The following ZNF699 variants were observed in gnomAD, a reference collection of about 807,000 sequenced individuals.
ZNF699 encodes the protein zinc finger protein 699.
In ZNF699, 18 loss-of-function variants were observed where a neutral mutation model predicts 22.5. That is an observed-to-expected ratio of 0.80 (90% CI 0.55 to 1.19). The LOEUF (loss-of-function observed/expected upper bound fraction) is 1.19. ZNF699 is among the 50% of genes most tolerant of loss of function. The pLI, the probability that ZNF699 is intolerant of heterozygous loss-of-function variation, is 0.00. For synonymous variants in ZNF699, 241 were observed against 262.3 expected (o/e 0.92, Z 0.78); for missense variants, 670 against 763.4 (o/e 0.88, Z 1.44).
chr19:9,296,961 G>A, intron 5 of ZNF699, 28 bp from the exon 6 acceptor site: 2 of 1,489,560 alleles, frequency 1.3e-6, no homozygotes, highest in African/African-American at 1.4e-5. Context: ...CACATTATTA[G>A]TAATAAATTT....
At chr19:9,298,298 TAGC>T (rs1254114923) in intron 3 of ZNF699, among the ~76,000 whole-genome samples, 1 of 151,764 alleles carries the variant, frequency 6.6e-6, no homozygotes, top group African/African-American at 2.4e-5. Context: ...ATACAAAAAT[TAGC>T]AGGGTGTGGT....
chr19:9,292,075 C>T lies in ZNF699; in HGVS notation c.*3400G>A, dbSNP rs2066267375. 6.6e-6 allele frequency among the ~76,000 whole-genome samples: 1 copy of T among 152,164 alleles called. No homozygotes were observed. Among genetic ancestry groups the T allele is most frequent in the Admixed American group, 6.5e-5 (1 of 15,274 alleles). The stretch of plus-strand genomic sequence containing the variant: ...ACCTTTCTAAAATGCTATCTAGGAA[C>T]TACCTAACCCTGGCTGAGTTCCCAG... On this transcript the variant is annotated 3_prime_UTR_variant, in exon 6 of 6. Coordinates refer to ENST00000591998, the MANE Select transcript of ZNF699 (RefSeq NM_198535.3).
rs970348884 is a variant in ZNF699, at chr19:9,293,060, C to T, written c.*2415G>A. 6.7e-6 allele frequency among the ~76,000 whole-genome samples: 1 copy of T among 149,180 alleles called. No homozygotes were observed. The highest frequency in any genetic ancestry group is 2.5e-5 in the African/African-American group (1 of 40,208). ...CTGAGACAGGAGAATCACTTGAACC[C>T]AGGAAGCGGAGATTGCAGTGAGCAA... On this transcript the variant is annotated 3_prime_UTR_variant, in exon 6 of 6. Coordinates refer to ENST00000591998, the MANE Select transcript of ZNF699 (RefSeq NM_198535.3).
Position 9,291,484 on chromosome 19 carries a change from A to C in ZNF699, c.*3991T>G, listed in dbSNP as rs1344585572. 6.6e-6 allele frequency: 1 copy of C among 152,154 alleles called. No individual in the cohort carries two copies. Among genetic ancestry groups the C allele is most frequent in the South Asian group, 2.1e-4 (1 of 4,824 alleles). 9.4% of individuals were successfully genotyped at this position (152,154 alleles called of 1,614,324 possible). ...GCAGAGATCACCTCAGCAAAGAGGA[A>C]ACCATGGTCTCTTTGATAAATCTAT... On this transcript the variant is annotated 3_prime_UTR_variant, in exon 6 of 6. Coordinates refer to ENST00000591998, the MANE Select transcript of ZNF699 (RefSeq NM_198535.3).
rs1458308627 is a variant in ZNF699 at position 9,293,235 on chromosome 19, C to T, written c.*2240G>A. Reference sequence around the variant, plus strand: ...GCCAATAAGCACATCGAAAAGTACTCGAAATCATTACACATCAGGTAAATG... The same window carrying T: ...GCCAATAAGCACATCGAAAAGTACTTGAAATCATTACACATCAGGTAAATG... On this transcript the variant is annotated 3_prime_UTR_variant, in exon 6 of 6. Transcript: ENST00000591998. Among the ~76,000 whole-genome samples, 1 of 149,872 alleles carries T rather than the reference C, an allele frequency of 6.7e-6. No individual in the cohort carries two copies. The highest frequency in any genetic ancestry group is 2.5e-5 in the African/African-American group (1 of 40,810).
At chr19:9,305,047 T>C in intron 2 of ZNF699, 25 bp downstream of exon 2, 1 of 1,594,386 alleles carries the variant, frequency 6.3e-7, no homozygotes, top group Non-Finnish European at 8.6e-7. Flanking sequence ...AATATTCTTT[T>C]GGACAATTAT....
intron 3 of ZNF699, among the ~76,000 whole-genome samples, chr19:9,300,870 C>T (rs757205054): frequency 3.9e-5 from 6 of 152,170 alleles, no homozygotes; most frequent in Non-Finnish European, 8.8e-5. Context: ...ATGGTGGATA[C>T]ATGTCATTAT....
intron 2 of ZNF699, among the ~76,000 whole-genome samples, chr19:9,304,815 C>T (rs753027415): frequency 5.4e-5 from 8 of 149,438 alleles, no homozygotes; most frequent in South Asian, 2.2e-4. Flanking sequence ...CCCAGCCACT[C>T]GGGAGGCTGA....
In ZNF699 at chr19:9,297,896, C is replaced by CTTT; in HGVS notation, c.269_270insAAA (p.Met90delinsIleLys). On this transcript the variant is annotated protein_altering_variant, in exon 4 of 6. Transcript: ENST00000591998. This position sits in a 1 kb window ranked among gnomAD's most constrained non-coding sequence, Gnocchi z 4.3. Reference sequence around the variant, plus strand: ...GGTTCTTGCCTTCCCGGTGCTCTCCCATAAAGATGCCCTGGATAAGTTCTC... The same window carrying CTTT: ...GGTTCTTGCCTTCCCGGTGCTCTCCCTTTATAAAGATGCCCTGGATAAGTTCTC... The CTTT allele has an allele frequency of 6.2e-7, 1 of 1,613,516 alleles. No individual in the cohort carries two copies. Among genetic ancestry groups the CTTT allele is most frequent in the Non-Finnish European group, 8.5e-7 (1 of 1,179,698 alleles).
chr19:9,297,260 CT>C lies in ZNF699; in HGVS notation c.470+35del. The C allele has an allele frequency of 1.3e-6, 2 of 1,545,618 alleles. No individual in the cohort carries two copies. The highest frequency in any genetic ancestry group is 1.7e-6 in the Non-Finnish European group (2 of 1,153,778). On this transcript the variant is annotated intron_variant, in intron 5 of 5. Transcript: ENST00000591998. This position sits in a 1 kb window ranked among gnomAD's most constrained non-coding sequence, Gnocchi z 4.3. ...ATGACTTTAATTTTAAGATTCTCTC[CT>C]GAGGCACTTTCTCTTTCTCACGAAT...
At chr19:9,304,669 T>C (rs1052384227) in intron 2 of ZNF699, among the ~76,000 whole-genome samples, 19 of 152,192 alleles carry the variant, frequency 1.2e-4, no homozygotes, top group African/African-American at 4.3e-4. Context: ...CTCATGCCTG[T>C]AATCCCAGCA....
intron 3 of ZNF699, 117 bp downstream of exon 3, chr19:9,302,261 A>G: frequency 1.6e-6 from 2 of 1,220,254 alleles, no homozygotes; most frequent in Non-Finnish European, 2.4e-6. Context: ...CAGTGACCAT[A>G]TCTGTCTTAC....
rs1290094069 is a variant in ZNF699 at position 9,305,352 on chromosome 19, G to A, written c.-5-228C>T. 5.9e-5 allele frequency among the ~76,000 whole-genome samples: 9 copies of A among 151,976 alleles called. No individual in the cohort carries two copies. In the East Asian group the frequency reaches 7.7e-4, roughly 13 times the overall value. ...TTGTGGGAAAGTGGAACAACCTTAC[G>A]TCCCCCTAGAGATACAAAACAGTGC... is the stretch of plus-strand genomic sequence containing the variant. On this transcript the variant is annotated intron_variant, in intron 1 of 5. Transcript: ENST00000591998.
chr19:9,303,439 A>C (rs1289823138), intron 2 of ZNF699, among the ~76,000 whole-genome samples: 2 of 152,244 alleles, frequency 1.3e-5, no homozygotes, highest in Non-Finnish European at 2.9e-5. Context: ...GTTTATCACC[A>C]AGGTCATTAC....
Position 9,296,689 on chromosome 19 carries a change from TG to T in ZNF699, c.714del (p.Phe238LeufsTer5). ...TCAGTGGGGGTTTTCATATGCTTCT[TG>T]AAACAAGCAAGAAAATGGAAGGCCT... ...CGKAFHFLAC[F>X]KKHMKTPTEE... On this transcript the variant is annotated frameshift_variant, in exon 6 of 6. Coordinates refer to ENST00000591998, the MANE Select transcript of ZNF699 (RefSeq NM_198535.3). LOFTEE classifies it low-confidence loss of function (END_TRUNC). 1 of 1,613,278 alleles carries T rather than the reference TG, an allele frequency of 6.2e-7. No individual in the cohort carries two copies. Among genetic ancestry groups the T allele is most frequent in the Non-Finnish European group, 8.5e-7 (1 of 1,179,780 alleles).
chr19:9,302,585 G>A (rs1236163881), intron 2 of ZNF699, 81 bp from the exon 3 acceptor site: 24 of 1,416,320 alleles, frequency 1.7e-5, no homozygotes, highest in Admixed American at 1.2e-4. Context: ...TCACAACATC[G>A]AGGAAATGAG....
In ZNF699 at chr19:9,296,301, C is replaced by T. The variant is rs773485955; in HGVS notation, c.1103G>A (p.Cys368Tyr). Residue 368 changes from cysteine (C) to tyrosine (Y), a missense_variant, in exon 6 of 6, where the codon TGT (cysteine) becomes TAT (tyrosine). By Grantham distance (194) the Cys-to-Tyr change is radical. Transcript: ENST00000591998. Reference protein sequence around the residue: ...TGEKPYECKECGKAFSESSKL... With the variant: ...TGEKPYECKEYGKAFSESSKL... Reference sequence around the variant, plus strand: ...TGAGGACTCGCTGAAGGCCTTCCCACACTCTTTACATTCATAAGGCTTCTC... The same window carrying T: ...TGAGGACTCGCTGAAGGCCTTCCCATACTCTTTACATTCATAAGGCTTCTC... 6.2e-6 allele frequency: 10 copies of T among 1,613,896 alleles called. No individual in the cohort carries two copies. Among genetic ancestry groups the T allele is most frequent in the Admixed American group, 1.7e-5 (1 of 59,992 alleles).
chr19:9,307,662 G>T (rs1229731693), intron 1 of ZNF699, among the ~76,000 whole-genome samples: 1 of 152,022 alleles, frequency 6.6e-6, no homozygotes, highest in Non-Finnish European at 1.5e-5. Flanking sequence ...AAAAAAATCA[G>T]TACTGGCCAG....
Position 9,297,967 on chromosome 19 carries a change from G to T in ZNF699, c.199C>A (p.Leu67Met), listed in dbSNP as rs1363390967. ...TCCTCTTGTTCCCACTGGGAGATCA[G>T]ATGGGGTGTGTGTAGCGGATACCCT... Reference protein sequence around the residue: ...SLGYPLHTPHLISQWEQEEDL... With the variant: ...SLGYPLHTPHMISQWEQEEDL... Residue 67 changes from leucine to methionine, a missense_variant, in exon 4 of 6, where the codon CTG becomes ATG. By Grantham distance (15) the Leu-to-Met change is conservative. Coordinates refer to ENST00000591998, the MANE Select transcript of ZNF699 (RefSeq NM_198535.3). This position sits in a 1 kb window ranked among gnomAD's most constrained non-coding sequence, Gnocchi z 4.3. The T allele has an allele frequency of 6.2e-7, 1 of 1,613,306 alleles. No individual in the cohort carries two copies. The highest frequency in any genetic ancestry group is 1.7e-5 in the Admixed American group (1 of 59,916).
Sources: gnomAD v4.1 joint callset for allele counts (sites outside exome capture counted in the v4.1 genomes callset) on GRCh38, gnomAD v4.1.1 for gene constraint, Gnocchi (gnomAD v3.1) non-coding constraint, MANE v1.5 for transcripts, NCBI Gene and HGNC (gene_info 2026-07-23, HGNC 2026-07-21) for gene names.